Variants in ZBTB20 observed in about 807,000 individuals in gnomAD.
ZBTB20 encodes the protein zinc finger and BTB domain-containing protein 20.
Under a neutral mutation model 56.9 loss-of-function variants are expected in ZBTB20, and 9 were observed. The observed-to-expected ratio is 0.16, with a 90% CI of 0.10 to 0.28. ZBTB20 has a LOEUF of 0.28. ZBTB20 is among the 10% of genes least tolerant of loss of function. The pLI is 1.00. For synonymous variants in ZBTB20, 417 were observed against 420.7 expected (o/e 0.99, Z 0.11); for missense variants, 655 against 1,003.0 (o/e 0.65, Z 4.69).
At chr3:114,409,999 A>G (rs2087771453) in intron 7 of ZBTB20, among the ~76,000 whole-genome samples, 1 of 152,188 alleles carries the variant, frequency 6.6e-6, no homozygotes, top group Admixed American at 6.5e-5. Context: ...CTTGATTATC[A>G]TGAGAAAGTA....
chr3:114,508,079 T>C (rs1463366181), intron 6 of ZBTB20, among the ~76,000 whole-genome samples: 1 of 152,128 alleles, frequency 6.6e-6, no homozygotes, highest in African/African-American at 2.4e-5. Context: ...GTATATAAAC[T>C]CAATTTCCAA....
chr3:114,873,687 G>A (rs1269185402), intron 4 of ZBTB20, among the ~76,000 whole-genome samples: 1 of 152,074 alleles, frequency 6.6e-6, no homozygotes, highest in Non-Finnish European at 1.5e-5. Flanking sequence ...GTTTTGGGGG[G>A]TGGGGAACAC....
chr3:114,382,693 C>T (rs2222354), intron 8 of ZBTB20, among the ~76,000 whole-genome samples: 2,238 of 152,136 alleles, frequency 0.015, 28 homozygotes, highest in Middle Eastern at 0.061. Context: ...AATCTTATTT[C>T]ACTCACTCAA....
chr3:114,511,445 A>G (rs2045373349), intron 6 of ZBTB20, among the ~76,000 whole-genome samples: 1 of 152,102 alleles, frequency 6.6e-6, no homozygotes, highest in South Asian at 2.1e-4. Context: ...TGAATATCCC[A>G]TCTTAGGCAA....
At position 115,122,373 on chromosome 3, in the gene ZBTB20, G is replaced by A. The variant is rs1453164359; in HGVS notation, c.-703+24846C>T. On this transcript the variant is annotated intron_variant, in intron 1 of 11. Coordinates refer to ENST00000675478, the MANE Select transcript of ZBTB20 (RefSeq NM_001348800.3). ...TTTGATTGCAAGACCAATGGACAGC[G>A]ACCGTCTAATTCTCTTCTCTTATCT... is the stretch of plus-strand genomic sequence containing the variant. 2.6e-5 allele frequency among the ~76,000 whole-genome samples: 4 copies of A among 152,050 alleles called. No individual in the cohort carries two copies. The East Asian group carries it at 5.8e-4, about 22-fold the overall frequency.
intron 5 of ZBTB20, among the ~76,000 whole-genome samples, chr3:114,720,081 T>C (rs1251635385): frequency 1.3e-5 from 2 of 149,446 alleles, no homozygotes; most frequent in Non-Finnish European, 3.0e-5. Context: ...ATATAATATA[T>C]ATAATGTATA....
intron 5 of ZBTB20, among the ~76,000 whole-genome samples, chr3:114,790,891 C>T (rs927121071): frequency 6.6e-6 from 1 of 151,808 alleles, no homozygotes; most frequent in African/African-American, 2.4e-5. Context: ...TTCATTGTTT[C>T]CAATGCATGA....
intron 7 of ZBTB20, among the ~76,000 whole-genome samples, chr3:114,458,844 A>T: frequency 6.6e-6 from 1 of 152,158 alleles, no homozygotes; most frequent in Admixed American, 6.5e-5. Flanking sequence ...AAACAGACAC[A>T]ACTCCTTTTC....
At chr3:114,573,086 TAA>T (rs1052999578) in intron 6 of ZBTB20, among the ~76,000 whole-genome samples, 5 of 152,204 alleles carry the variant, frequency 3.3e-5, no homozygotes, top group African/African-American at 9.6e-5. Context: ...TCCTTTGTGA[TAA>T]GAGAGGATGA....
intron 6 of ZBTB20, among the ~76,000 whole-genome samples, chr3:114,673,479 G>A (rs1479289283): frequency 6.6e-6 from 1 of 152,100 alleles, no homozygotes; most frequent in Non-Finnish European, 1.5e-5. Flanking sequence ...TTAGCCAGAA[G>A]ATTTAGGCTG....
At chr3:115,002,179 A>T (rs1485346879) in intron 2 of ZBTB20, among the ~76,000 whole-genome samples, 1 of 151,474 alleles carries the variant, frequency 6.6e-6, no homozygotes. Context: ...GAACATCCAC[A>T]TGAAAAAAAA....
chr3:115,128,673 A>AT (rs1491380131), intron 1 of ZBTB20, among the ~76,000 whole-genome samples: 2 of 143,782 alleles, frequency 1.4e-5, no homozygotes. Context: ...CAAAAAAAAA[A>AT]GAAAAGAAAA....
intron 2 of ZBTB20, among the ~76,000 whole-genome samples, chr3:115,017,033 G>C (rs1259109289): frequency 6.6e-6 from 1 of 151,332 alleles, no homozygotes; most frequent in Admixed American, 6.6e-5. Flanking sequence ...TTCTGGCCAG[G>C]GCAATCAAGC....
chr3:114,820,385 A>C (rs998864748), intron 4 of ZBTB20, among the ~76,000 whole-genome samples: 11 of 152,030 alleles, frequency 7.2e-5, no homozygotes, highest in African/African-American at 2.4e-4. Context: ...AAATATGCAA[A>C]CAAACACATA....
At chr3:114,564,076 T>C (rs1223997402) in intron 6 of ZBTB20, among the ~76,000 whole-genome samples, 1 of 152,124 alleles carries the variant, frequency 6.6e-6, no homozygotes, top group Non-Finnish European at 1.5e-5. Flanking sequence ...CATTGGCTCA[T>C]GATCTATTCC....
chr3:114,951,291 GT>G (rs2077059389), intron 3 of ZBTB20, among the ~76,000 whole-genome samples: 1 of 151,814 alleles, frequency 6.6e-6, no homozygotes. Flanking sequence ...TATGGGCATA[GT>G]CACAGAAATG....
chr3:114,899,213 A>T (rs1167768020), intron 4 of ZBTB20, among the ~76,000 whole-genome samples: 1 of 152,010 alleles, frequency 6.6e-6, no homozygotes, highest in African/African-American at 2.4e-5. Flanking sequence ...TTTCTCTCTC[A>T]CTTCTACCCC....
At position 114,398,119 on chromosome 3, in the gene ZBTB20, G is replaced by T. The variant is rs1034974430; in HGVS notation, c.-254-9014C>A. Among the ~76,000 whole-genome samples the T allele has an allele frequency of 6.6e-5, 10 of 152,128 alleles. No individual in the cohort carries two copies. The East Asian group carries it at 1.5e-3, about 24-fold the overall frequency. ...ATATAGGACTTTTTTCTCCTTCAGGGTCCATATATAAAAATGTATCCTTTA... is the reference window on the plus strand; with the variant it reads ...ATATAGGACTTTTTTCTCCTTCAGGTTCCATATATAAAAATGTATCCTTTA... On this transcript the variant is annotated intron_variant, in intron 7 of 11. Transcript: ENST00000675478.
chr3:115,142,540 T>C (rs1054626275), intron 1 of ZBTB20, among the ~76,000 whole-genome samples: 1 of 151,830 alleles, frequency 6.6e-6, no homozygotes, highest in African/African-American at 2.4e-5. Flanking sequence ...TGTGCGCGCC[T>C]GTAGTCCCAG....
Sources: allele counts gnomAD v4.1 joint callset (sites outside exome capture counted in the v4.1 genomes callset), GRCh38; gene constraint gnomAD v4.1.1; transcripts MANE v1.5; gene names NCBI Gene and HGNC (gene_info 2026-07-23, HGNC 2026-07-21).